Variants in CTDSPL2 observed in about 807,000 individuals in gnomAD.
CTDSPL2 encodes CTD small phosphatase like 2, also known as CTD small phosphatase-like protein 2.
Under a neutral mutation model 60.0 loss-of-function variants are expected in CTDSPL2, and 5 were observed. That is an observed-to-expected ratio of 0.08 (90% CI 0.04 to 0.18). CTDSPL2 has a LOEUF of 0.18. Among genes scored for constraint, CTDSPL2 ranks in the 10% least tolerant of loss-of-function variants. CTDSPL2 has a pLI of 1.00. For synonymous variants in CTDSPL2, 186 were observed against 189.3 expected, an observed-to-expected ratio of 0.98 and a Z score of 0.14; for missense variants, 370 against 548.8, an observed-to-expected ratio of 0.67 and a Z score of 3.26.
At chr15:44,461,316 T>G (rs1179021456) in intron 2 of CTDSPL2, among the ~76,000 whole-genome samples, 1 of 152,238 alleles carries the variant, frequency 6.6e-6, no homozygotes, top group Non-Finnish European at 1.5e-5. Context: ...AATAACCTCC[T>G]GTTGACCAGA....
chr15:44,516,458 T>C (rs1266732545), intron 10 of CTDSPL2, among the ~76,000 whole-genome samples: 5 of 152,226 alleles, frequency 3.3e-5, no homozygotes, highest in Non-Finnish European at 7.3e-5. Flanking sequence ...TGTTTTTTAA[T>C]CTAAAGGGTC....
At chr15:44,428,397 A>G (rs945822699) in intron 1 of CTDSPL2, among the ~76,000 whole-genome samples, 1 of 152,212 alleles carries the variant, frequency 6.6e-6, no homozygotes, top group Non-Finnish European at 1.5e-5. Flanking sequence ...TATCCTTAAT[A>G]TTCTCTGCTT....
chr15:44,433,793 T>G (rs2079913082), intron 1 of CTDSPL2, among the ~76,000 whole-genome samples: 1 of 150,372 alleles, frequency 6.7e-6, no homozygotes, highest in South Asian at 2.1e-4. Flanking sequence ...CTACTAAAAA[T>G]ACAAAAAAAA....
At chr15:44,463,786 A>G (rs1444217536) in intron 2 of CTDSPL2, among the ~76,000 whole-genome samples, 1 of 152,220 alleles carries the variant, frequency 6.6e-6, no homozygotes, top group Admixed American at 6.5e-5. Context: ...ATGCTTGCTT[A>G]CGTATGTATC....
chr15:44,445,595 T>C (rs1170891671), intron 1 of CTDSPL2, among the ~76,000 whole-genome samples: 2 of 152,138 alleles, frequency 1.3e-5, no homozygotes, highest in Admixed American at 1.3e-4. Context: ...ATCAGAAGTT[T>C]AATTTTGAGC....
intron 1 of CTDSPL2, among the ~76,000 whole-genome samples, chr15:44,436,826 G>T (rs1555429687): frequency 6.6e-6 from 1 of 151,952 alleles, no homozygotes; most frequent in Non-Finnish European, 1.5e-5. Context: ...ATCTACTCTT[G>T]TTTCTCTCTT....
In CTDSPL2 at chr15:44,433,693, C is replaced by T. The variant is rs961289272; in HGVS notation, c.-25+5921C>T. On this transcript the variant is annotated intron_variant, in intron 1 of 12. Coordinates refer to ENST00000260327, the MANE Select transcript of CTDSPL2 (RefSeq NM_016396.3). The stretch of plus-strand genomic sequence containing the variant: ...TTGTTTTTGTTTTTGTTTTTTGAGA[C>T]GGAGTCTCGCTCTGTCACCCAGGCT... 9.9e-5 allele frequency among the ~76,000 whole-genome samples: 15 copies of T among 151,344 alleles called. No individual in the cohort carries two copies. The South Asian group carries it at 2.1e-3, about 21-fold the overall frequency.
chr15:44,499,934 T>G, intron 8 of CTDSPL2, 121 bp downstream of exon 8: 1 of 581,800 alleles, frequency 1.7e-6, no homozygotes, highest in Non-Finnish European at 3.1e-6. Flanking sequence ...GTATAATGGA[T>G]TTCATCAACA....
chr15:44,502,256 T>C (rs1364922769), intron 8 of CTDSPL2, among the ~76,000 whole-genome samples: 1 of 152,000 alleles, frequency 6.6e-6, no homozygotes, highest in East Asian at 1.9e-4. Context: ...TTTACATATA[T>C]ATGTATATAT....
chr15:44,468,568 G>A (rs2080742202), intron 2 of CTDSPL2, among the ~76,000 whole-genome samples: 1 of 152,090 alleles, frequency 6.6e-6, no homozygotes, highest in Admixed American at 6.6e-5. Context: ...TGAAGTGAGA[G>A]CTTAAATCAG....
chr15:44,502,158 T>C, intron 8 of CTDSPL2: 1 of 212,946 alleles, frequency 4.7e-6, no homozygotes, highest in South Asian at 6.7e-5. Context: ...TTTATTGAGG[T>C]GAAATTTACA....
At chr15:44,428,978 G>A (rs2079802348) in intron 1 of CTDSPL2, among the ~76,000 whole-genome samples, 1 of 152,024 alleles carries the variant, frequency 6.6e-6, no homozygotes, top group African/African-American at 2.4e-5. Flanking sequence ...TTGAATTTGG[G>A]ATCTTTGTAG....
In CTDSPL2 at chr15:44,525,674, A is replaced by G. The variant is rs2081860668; in HGVS notation, c.*1500A>G. 1 of 392,458 alleles carries G rather than the reference A, an allele frequency of 2.5e-6. No individual in the cohort carries two copies. The highest frequency in any genetic ancestry group is 2.1e-5 in the African/African-American group (1 of 48,532). 24.3% of individuals were successfully genotyped at this position (392,458 alleles called of 1,614,324 possible). On this transcript the variant is annotated 3_prime_UTR_variant, in exon 13 of 13. Transcript: ENST00000260327. Reference sequence around the variant, plus strand: ...TGTATATTACCTGTTTACTTGTACAACTTACTGTACAAATTACATGCAGCT... The same window carrying G: ...TGTATATTACCTGTTTACTTGTACAGCTTACTGTACAAATTACATGCAGCT...
At chr15:44,506,025 C>CTTTTTTTTTTTTTTTTTTTTTTTTTTT (rs753896129) in intron 8 of CTDSPL2, among the ~76,000 whole-genome samples, 8 of 117,578 alleles carry the variant, frequency 6.8e-5, no homozygotes, top group Non-Finnish European at 1.1e-4. Context: ...TCATTGGTAA[C>CTTTTTTTTTTTTTTTTTTTTTTTTTTT]TTTTTTTTTT....
intron 1 of CTDSPL2, among the ~76,000 whole-genome samples, chr15:44,457,218 C>T (rs1319366131): frequency 6.6e-6 from 1 of 152,114 alleles, no homozygotes; most frequent in African/African-American, 2.4e-5. Flanking sequence ...CTGTGAAAGT[C>T]CTAGATGGCA....
At chr15:44,435,795 C>T (rs1242402762) in intron 1 of CTDSPL2, among the ~76,000 whole-genome samples, 2 of 151,722 alleles carry the variant, frequency 1.3e-5, no homozygotes, top group South Asian at 4.2e-4. Context: ...TTAGTAGAGA[C>T]GGGGTTTCGC....
Position 44,490,985 on chromosome 15 carries a change from T to C in CTDSPL2, c.677T>C (p.Ile226Thr), listed in dbSNP as rs780633326. Reference protein sequence around the residue: ...EEAEETVNRDIPPLTAPVTPD... With the variant: ...EEAEETVNRDTPPLTAPVTPD... Reference sequence around the variant, plus strand: ...GCAGAAGAAACAGTTAATCGTGATATCCCACCCCTTACAGGTGAAGAAAAT... The same window carrying C: ...GCAGAAGAAACAGTTAATCGTGATACCCCACCCCTTACAGGTGAAGAAAAT... Residue 226 changes from isoleucine (I) to threonine (T), a missense_variant, in exon 5 of 13, where the codon ATC becomes ACC. Transcript: ENST00000260327. The C allele has an allele frequency of 6.2e-7, 1 of 1,613,680 alleles. No homozygotes were observed. The highest frequency in any genetic ancestry group is 1.3e-5 in the African/African-American group (1 of 74,938).
intron 2 of CTDSPL2, among the ~76,000 whole-genome samples, chr15:44,463,925 A>T (rs1477178649): frequency 6.6e-6 from 1 of 152,228 alleles, no homozygotes; most frequent in Non-Finnish European, 1.5e-5. Flanking sequence ...GGTAACTTGC[A>T]GTGTCAATAG....
intron 2 of CTDSPL2, among the ~76,000 whole-genome samples, chr15:44,470,216 G>T (rs572944211): frequency 2.1e-5 from 3 of 145,814 alleles, no homozygotes; most frequent in African/African-American, 5.3e-5. Context: ...TTGTGCATTT[G>T]TCTACTTCAT....
Sources: gnomAD v4.1 joint callset for allele counts (sites outside exome capture counted in the v4.1 genomes callset) on GRCh38, gnomAD v4.1.1 for gene constraint, MANE v1.5 for transcripts, NCBI Gene and HGNC (gene_info 2026-07-23, HGNC 2026-07-21) for gene names.